Variants in TOB2 observed in about 807,000 individuals in gnomAD.
TOB2 encodes the protein protein Tob2.
A neutral mutation model predicts 17.3 loss-of-function variants in TOB2; 3 were observed. The ratio of observed to expected loss-of-function variants is 0.17; its 90% CI spans 0.08 to 0.45. The LOEUF (loss-of-function observed/expected upper bound fraction) is 0.45. Ranked by LOEUF, TOB2 falls within the 20% of genes least tolerant of loss-of-function variation. The pLI, the probability that TOB2 is intolerant of heterozygous loss-of-function variation, is 0.99. For synonymous variants in TOB2, 163 were observed against 185.6 expected, an observed-to-expected ratio of 0.88 and a Z score of 0.99; for missense variants, 407 against 445.7, an observed-to-expected ratio of 0.91 and a Z score of 0.78.
rs2037535513 is a variant in TOB2, at chr22:41,435,503, C to T, written c.*808G>A. On this transcript the variant is annotated 3_prime_UTR_variant, in exon 2 of 2. Coordinates refer to ENST00000327492, the MANE Select transcript of TOB2 (RefSeq NM_016272.4). ...TACACACACACACACCCCTCCCTAC[C>T]CACAACATCCAGCCTGGGGAAGAAG... 6.6e-6 allele frequency: 1 copy of T among 152,514 alleles called. No homozygotes were observed. Among genetic ancestry groups the T allele is most frequent in the African/African-American group, 2.4e-5 (1 of 41,432 alleles). The allele number at this position is 152,514 out of a possible 1,614,324, so 9.4% of individuals were successfully genotyped here.
chr22:41,445,168 G>A (rs1281554531), intron 1 of TOB2, among the ~76,000 whole-genome samples: 1 of 152,220 alleles, frequency 6.6e-6, no homozygotes, highest in Non-Finnish European at 1.5e-5. Context: ...TCCGGGAGAG[G>A]GAAATAGGAA....
At position 41,436,284 on chromosome 22, in the gene TOB2, C is replaced by T. The variant is rs2037545758; in HGVS notation, c.*27G>A. The T allele has an allele frequency of 6.5e-7, 1 of 1,530,306 alleles. No individual in the cohort carries two copies. The highest frequency in any genetic ancestry group is 8.8e-7 in the Non-Finnish European group (1 of 1,140,214). The allele number at this position is 1,530,306 out of a possible 1,614,324, so 94.8% of individuals were successfully genotyped here. A position where few individuals can be genotyped will look rare whatever the true frequency, so the allele number is the denominator to read the frequency against. On this transcript the variant is annotated 3_prime_UTR_variant, in exon 2 of 2. Coordinates refer to ENST00000327492, the MANE Select transcript of TOB2 (RefSeq NM_016272.4). This position sits in a 1 kb window ranked among gnomAD's most constrained non-coding sequence, Gnocchi z 4.8. ...TTTCTCTTTTCTGTGGTCTTGGGTG[C>T]TCCTGGCCCCACGGGCAGGTAGATG...
Position 41,436,942 on chromosome 22 carries a change from G to A in TOB2, c.404C>T (p.Pro135Leu), listed in dbSNP as rs770262164. Residue 135 changes from proline to leucine, a missense_variant, in exon 2 of 2, where the codon CCT becomes CTT. Physicochemically the swap from Pro to Leu is moderately conservative, Grantham distance 98. Transcript: ENST00000327492. This position sits in a 1 kb window ranked among gnomAD's most constrained non-coding sequence, Gnocchi z 4.8. Reference protein sequence around the residue: ...LDKEIKSSFNPDAQVFVPIGS... With the variant: ...LDKEIKSSFNLDAQVFVPIGS... The stretch of plus-strand genomic sequence containing the variant: ...AATGGGCACGAACACCTGGGCGTCA[G>A]GGTTGAAGCTGCTCTTGATCTCCTT... 3 of 1,614,222 alleles carry A rather than the reference G, an allele frequency of 1.9e-6. No individual in the cohort carries two copies. Among genetic ancestry groups the A allele is most frequent in the Non-Finnish European group, 2.5e-6 (3 of 1,180,046 alleles).
In TOB2 at chr22:41,436,068, T is replaced by G; in HGVS notation, c.*243A>C. The G allele has an allele frequency of 2.5e-6, 1 of 403,792 alleles. No homozygotes were observed. The highest frequency in any genetic ancestry group is 4.3e-6 in the Non-Finnish European group (1 of 231,490). The allele number at this position is 403,792 out of a possible 1,614,324, so 25.0% of individuals were successfully genotyped here. A position where few individuals can be genotyped will look rare whatever the true frequency, so the allele number is the denominator to read the frequency against. ...AAGAAAAAAAAAAAAGAAAAAGAAA[T>G]ATAAAACCCAAACCAACCAAATAAA... is the stretch of plus-strand genomic sequence containing the variant. On this transcript the variant is annotated 3_prime_UTR_variant, in exon 2 of 2. Coordinates refer to ENST00000327492, the MANE Select transcript of TOB2 (RefSeq NM_016272.4). This position sits in a 1 kb window ranked among gnomAD's most constrained non-coding sequence, Gnocchi z 4.8.
intron 1 of TOB2, among the ~76,000 whole-genome samples, chr22:41,441,639 C>G (rs953771461): frequency 6.6e-6 from 1 of 152,032 alleles, no homozygotes; most frequent in Non-Finnish European, 1.5e-5. Context: ...ATTAGCCGGG[C>G]ATTGTGGCTC....
At position 41,441,905 on chromosome 22, in the gene TOB2, CA is replaced by C. The variant is rs775654327; in HGVS notation, c.-63+4473del. ...CAGCCTGGGCAAGAGTGATTTTTCT[CA>C]AAAAAAAAAAAAAGAAAAGAAAAAA... On this transcript the variant is annotated intron_variant, in intron 1 of 1. Transcript: ENST00000327492. Among the ~76,000 whole-genome samples, 642 of 112,610 alleles carry C rather than the reference CA, an allele frequency of 5.7e-3. 1 individual carries two copies. Among genetic ancestry groups the C allele is most frequent in the Non-Finnish European group, 6.4e-3 (338 of 52,536 alleles). 73.9% of individuals were successfully genotyped at this position (112,610 alleles called of 152,430 possible).
At chr22:41,443,843 G>C (rs2052614786) in intron 1 of TOB2, among the ~76,000 whole-genome samples, 1 of 151,340 alleles carries the variant, frequency 6.6e-6, no homozygotes, top group Admixed American at 6.6e-5. Flanking sequence ...GGCTAGTCTC[G>C]AACTCCCGAC....
chr22:41,438,901 C>T (rs1196860799), intron 1 of TOB2, among the ~76,000 whole-genome samples: 1 of 152,100 alleles, frequency 6.6e-6, no homozygotes, highest in Non-Finnish European at 1.5e-5. Flanking sequence ...CTCCCAGGGA[C>T]TGTCTGACCA....
intron 1 of TOB2, among the ~76,000 whole-genome samples, 191 bp from the exon 2 acceptor site, chr22:41,437,598 T>C (rs532631246): frequency 2.0e-5 from 3 of 152,174 alleles, no homozygotes; most frequent in African/African-American, 7.2e-5. Context: ...GAAGTTAAGG[T>C]AGTTCAAGGA....
chr22:41,445,940 C>G (rs1003224604), intron 1 of TOB2, among the ~76,000 whole-genome samples: 1 of 152,170 alleles, frequency 6.6e-6, no homozygotes, highest in Non-Finnish European at 1.5e-5. Context: ...ACAATTACCA[C>G]CCCCCTTCCC....
At chr22:41,442,833 A>T (rs1444047137) in intron 1 of TOB2, among the ~76,000 whole-genome samples, 1 of 152,238 alleles carries the variant, frequency 6.6e-6, no homozygotes, top group Non-Finnish European at 1.5e-5. Flanking sequence ...AAGTATGGTA[A>T]GATTAGAAAG....
rs2037693685 is a variant in TOB2, at chr22:41,446,741, C to G, written c.-425G>C. The G allele has an allele frequency of 6.6e-6, 1 of 152,534 alleles. No individual in the cohort carries two copies. The highest frequency in any genetic ancestry group is 6.5e-5 in the Admixed American group (1 of 15,282). The allele number at this position is 152,534 out of a possible 1,614,324, so 9.4% of individuals were successfully genotyped here. A position where few individuals can be genotyped will look rare whatever the true frequency, so the allele number is the denominator to read the frequency against. ...CCTGCCCTCCTGGCCCCGCGTCGCC[C>G]GAGCCACGGCTTGCCTCAGCCAACA... On this transcript the variant is annotated 5_prime_UTR_variant, in exon 1 of 2. Transcript: ENST00000327492.
intron 1 of TOB2, among the ~76,000 whole-genome samples, chr22:41,440,454 C>T (rs1230837487): frequency 6.6e-5 from 10 of 151,852 alleles, no homozygotes; most frequent in Admixed American, 6.6e-4. Flanking sequence ...CACTCTGTCA[C>T]CCAAGCTAGG....
intron 1 of TOB2, among the ~76,000 whole-genome samples, chr22:41,439,301 A>G (rs1006445298): frequency 2.6e-5 from 4 of 152,184 alleles, no homozygotes; most frequent in Admixed American, 6.6e-5. Context: ...CTTCTGTCCT[A>G]TGAAAGACTT....
intron 1 of TOB2, among the ~76,000 whole-genome samples, chr22:41,440,940 T>A (rs1007716363): frequency 5.9e-5 from 9 of 151,906 alleles, no homozygotes; most frequent in African/African-American, 2.2e-4. Context: ...ACTCCTACGC[T>A]CAAGTGATCC....
rs759708339 is a variant in TOB2 at position 41,436,650 on chromosome 22, G to C, written c.696C>G (p.Ser232Arg). Residue 232 changes from serine to arginine, a missense_variant, in exon 2 of 2, where the codon AGC becomes AGG. By Grantham distance (110) the Ser-to-Arg change is moderately radical. Transcript: ENST00000327492. This position sits in a 1 kb window ranked among gnomAD's most constrained non-coding sequence, Gnocchi z 4.8. Reference protein sequence around the residue: ...SPTNSLLKHKSLSLSMHSLNF... With the variant: ...SPTNSLLKHKRLSLSMHSLNF... ...TCAGTGAATGCATAGACAGAGAGAGGCTCTTGTGCTTCAGCAGGCTGTTGG... is the reference window on the plus strand; with the variant it reads ...TCAGTGAATGCATAGACAGAGAGAGCCTCTTGTGCTTCAGCAGGCTGTTGG... 1 of 1,614,068 alleles carries C rather than the reference G, an allele frequency of 6.2e-7. No homozygotes were observed. The highest frequency in any genetic ancestry group is 1.1e-5 in the South Asian group (1 of 91,080).
chr22:41,442,061 A>T (rs899067181), intron 1 of TOB2, among the ~76,000 whole-genome samples: 1 of 150,442 alleles, frequency 6.6e-6, no homozygotes, highest in African/African-American at 2.4e-5. Context: ...ACTGGACTCC[A>T]GTCTGAATGA....
intron 1 of TOB2, among the ~76,000 whole-genome samples, chr22:41,446,107 T>G (rs2037683743): frequency 6.6e-6 from 1 of 151,588 alleles, no homozygotes. Context: ...AGGGAGGAAA[T>G]GCACCCCACC....
chr22:41,439,029 G>A (rs908012948), intron 1 of TOB2, among the ~76,000 whole-genome samples: 1 of 152,178 alleles, frequency 6.6e-6, no homozygotes, highest in South Asian at 2.1e-4. Flanking sequence ...ATCCCACTGA[G>A]GTCAAAAAGG....
Sources: gnomAD v4.1 joint callset for allele counts (sites outside exome capture counted in the v4.1 genomes callset) on GRCh38, gnomAD v4.1.1 for gene constraint, Gnocchi (gnomAD v3.1) non-coding constraint, MANE v1.5 for transcripts, NCBI Gene and HGNC (gene_info 2026-07-23, HGNC 2026-07-21) for gene names.